EMB: variants seen among roughly 807,000 people sequenced by gnomAD.
EMB encodes the protein embigin homolog.
In EMB, 31 loss-of-function variants were observed where a neutral mutation model predicts 41.4. The ratio of observed to expected loss-of-function variants is 0.75; its 90% confidence interval spans 0.56 to 1.01. The LOEUF (loss-of-function observed/expected upper bound fraction) is 1.01. EMB is among the 50% of genes least tolerant of loss of function. The probability of loss-of-function intolerance (pLI) is 0.00; values close to 1 mark genes in which losing one functional copy is unlikely to be tolerated. For missense variants in EMB, 379 were observed against 388.3 expected, an observed-to-expected ratio of 0.98 and a Z score of 0.20; for synonymous variants, 137 against 140.4, an observed-to-expected ratio of 0.98 and a Z score of 0.17.
At chr5:50,418,901 C>T (rs1052871937) in intron 2 of EMB, among the ~76,000 whole-genome samples, 30 of 152,206 alleles carry the variant, frequency 2.0e-4, no homozygotes, top group African/African-American at 6.3e-4. Flanking sequence ...TCCATATACA[C>T]CTATCAAGAT....
intron 2 of EMB, among the ~76,000 whole-genome samples, chr5:50,425,988 A>G (rs775585202): frequency 2.6e-5 from 4 of 152,216 alleles, no homozygotes; most frequent in Non-Finnish European, 5.9e-5. Context: ...CTAAAGCAAT[A>G]GCTTTATTAC....
At chr5:50,418,988 C>A (rs761139911) in intron 2 of EMB, among the ~76,000 whole-genome samples, 1 of 152,190 alleles carries the variant, frequency 6.6e-6, no homozygotes, top group African/African-American at 2.4e-5. Flanking sequence ...TGGCAGCTCA[C>A]AAATATCTAG....
rs773396937 is a variant in EMB, at chr5:50,411,369, G to T, written c.211C>A (p.Pro71Thr). ...NISLTEHSSMPVEKNITLERP... is the reference protein window; with the variant it reads ...NISLTEHSSMTVEKNITLERP... The stretch of plus-strand genomic sequence containing the variant: ...TCTAAAGTGATATTTTTTTCTACTG[G>T]CATACTAGAATGTTCTATTAGCACA... The change falls in exon 3 of 9, where the codon CCA becomes ACA. Residue 71 changes from proline (P) to threonine (T), a missense_variant. By Grantham distance (38) the Pro-to-Thr change is conservative. Coordinates refer to ENST00000303221, the MANE Select transcript of EMB (RefSeq NM_198449.3). 2 of 1,597,534 alleles carry T rather than the reference G, an allele frequency of 1.3e-6. No homozygotes were observed. The highest frequency in any genetic ancestry group is 1.7e-6 in the Non-Finnish European group (2 of 1,170,992).
chr5:50,396,702 T>C lies in EMB; in HGVS notation c.*2571A>G, dbSNP rs1020151291. On this transcript the variant is annotated 3_prime_UTR_variant, in exon 9 of 9. Transcript: ENST00000303221. The stretch of plus-strand genomic sequence containing the variant: ...AGCCTACAGAGATTCCAAAGTTGCA[T>C]AGTGAGGTTTGTGTTTGAGAAAGTG... The C allele has an allele frequency of 1.3e-5, 2 of 152,082 alleles. No individual in the cohort carries two copies. Among genetic ancestry groups the C allele is most frequent in the African/African-American group, 2.4e-5 (1 of 41,396 alleles). 9.4% of individuals were successfully genotyped at this position (152,082 alleles called of 1,614,324 possible). A position where few individuals can be genotyped will look rare whatever the true frequency, so the allele number is the denominator to read the frequency against.
At chr5:50,428,398 T>A (rs553542347) in intron 1 of EMB, 171 bp from the exon 2 acceptor site, 1 of 1,208,314 alleles carries the variant, frequency 8.3e-7, no homozygotes, top group East Asian at 3.2e-5. Context: ...ATTAGGCTAT[T>A]AAATGTGAAA....
intron 1 of EMB, among the ~76,000 whole-genome samples, chr5:50,429,304 G>C (rs1745675777): frequency 6.6e-6 from 1 of 152,102 alleles, no homozygotes. Flanking sequence ...GCTTATTATT[G>C]TAAACTTGGC....
At position 50,399,014 on chromosome 5, in the gene EMB, A is replaced by C; in HGVS notation, c.*259T>G. 1 of 317,694 alleles carries C rather than the reference A, an allele frequency of 3.1e-6. No individual in the cohort carries two copies. The highest frequency in any genetic ancestry group is 1.0e-3 in the Middle Eastern group (1 of 990). The allele number at this position is 317,694 out of a possible 1,614,324, so 19.7% of individuals were successfully genotyped here. A position where few individuals can be genotyped will look rare whatever the true frequency, so the allele number is the denominator to read the frequency against. On this transcript the variant is annotated 3_prime_UTR_variant, in exon 9 of 9. Transcript: ENST00000303221. Reference sequence around the variant, plus strand: ...TGATATCTGTTCTGTGTGTCCTTTGAAGACCAGAATATAATTAATTTTATT... The same window carrying C: ...TGATATCTGTTCTGTGTGTCCTTTGCAGACCAGAATATAATTAATTTTATT...
intron 1 of EMB, chr5:50,428,489 C>A: frequency 1.1e-5 from 12 of 1,088,408 alleles, no homozygotes; most frequent in East Asian, 5.8e-5. Flanking sequence ...TAACGCCTTC[C>A]ATTTTTATTC....
intron 1 of EMB, among the ~76,000 whole-genome samples, chr5:50,430,413 A>G (rs549768580): frequency 6.6e-6 from 1 of 152,312 alleles, no homozygotes; most frequent in Non-Finnish European, 1.5e-5. Flanking sequence ...TCACAGTATC[A>G]GTAACAATAA....
At chr5:50,425,776 C>T (rs1745601316) in intron 2 of EMB, among the ~76,000 whole-genome samples, 1 of 150,016 alleles carries the variant, frequency 6.7e-6, no homozygotes, top group Admixed American at 6.6e-5. Context: ...CTCCGCCTCC[C>T]AGGTTCAAGT....
At position 50,396,543 on chromosome 5, in the gene EMB, A is replaced by G. The variant is rs1217996449; in HGVS notation, c.*2730T>C. On this transcript the variant is annotated 3_prime_UTR_variant, in exon 9 of 9. Coordinates refer to ENST00000303221, the MANE Select transcript of EMB (RefSeq NM_198449.3). ...GATCAGATTAAAGTCTTGAAAGATA[A>G]TCTGGGGTTAGTCAAGCAGGTAGAA... 1 of 152,128 alleles carries G rather than the reference A, an allele frequency of 6.6e-6. No individual in the cohort carries two copies. Among genetic ancestry groups the G allele is most frequent in the African/African-American group, 2.4e-5 (1 of 41,436 alleles). The allele number at this position is 152,128 out of a possible 1,614,324, so 9.4% of individuals were successfully genotyped here. A position where few individuals can be genotyped will look rare whatever the true frequency, so the allele number is the denominator to read the frequency against.
At chr5:50,405,895 G>C (rs765347000) in intron 4 of EMB, 43 bp from the exon 5 acceptor site, 1 of 1,526,732 alleles carries the variant, frequency 6.5e-7, no homozygotes, top group East Asian at 2.4e-5. Flanking sequence ...AAAGAGTTTA[G>C]GTAAAGGAAA....
In EMB at chr5:50,441,259, C is replaced by G; in HGVS notation, c.-108G>C. On this transcript the variant is annotated 5_prime_UTR_variant, in exon 1 of 9. Transcript: ENST00000303221. ...TCGCAGGTGGCCCGGCGCTCGCAGC[C>G]AGTGCCGCGGGTAGGACGCTGAAGA... The G allele has an allele frequency of 1.7e-6, 1 of 583,340 alleles. No individual in the cohort carries two copies. The highest frequency in any genetic ancestry group is 2.6e-6 in the Non-Finnish European group (1 of 390,758). The allele number at this position is 583,340 out of a possible 1,614,324, so 36.1% of individuals were successfully genotyped here.
intron 2 of EMB, among the ~76,000 whole-genome samples, chr5:50,413,501 C>T (rs1418271787): frequency 6.6e-6 from 1 of 151,956 alleles, no homozygotes; most frequent in African/African-American, 2.4e-5. Context: ...CATTAACCTA[C>T]ATTTCATGAA....
chr5:50,410,574 T>C (rs1191508625), intron 4 of EMB, among the ~76,000 whole-genome samples: 1 of 152,126 alleles, frequency 6.6e-6, no homozygotes, highest in East Asian at 1.9e-4. Flanking sequence ...TTATAAGAGC[T>C]ATGAATTTAG....
intron 7 of EMB, among the ~76,000 whole-genome samples, chr5:50,401,903 G>A (rs1745168094): frequency 6.6e-6 from 1 of 151,900 alleles, no homozygotes; most frequent in African/African-American, 2.4e-5. Flanking sequence ...AAAATTGCCA[G>A]GCTTGAGAAC....
At chr5:50,402,876 CAAAAAAAAA>C (rs564451334) in intron 6 of EMB, among the ~76,000 whole-genome samples, 1 of 54,652 alleles carries the variant, frequency 1.8e-5, no homozygotes, top group African/African-American at 6.3e-5. Context: ...CCAGTAGCAC[CAAAAAAAAA>C]AAAAAAAAAA....
At chr5:50,400,406 T>C (rs1285762811) in intron 7 of EMB, among the ~76,000 whole-genome samples, 5 of 151,976 alleles carry the variant, frequency 3.3e-5, no homozygotes, top group East Asian at 1.9e-4. Context: ...GTATGCATAA[T>C]GAATACCTTG....
chr5:50,423,877 T>G (rs912235442), intron 2 of EMB, among the ~76,000 whole-genome samples: 1 of 152,210 alleles, frequency 6.6e-6, no homozygotes, highest in African/African-American at 2.4e-5. Flanking sequence ...CAGGAAACAC[T>G]GGGAATCTTT....
Sources: allele counts gnomAD v4.1 joint callset (sites outside exome capture counted in the v4.1 genomes callset), GRCh38; gene constraint gnomAD v4.1.1; transcripts MANE v1.5; gene names NCBI Gene and HGNC (gene_info 2026-07-23, HGNC 2026-07-21).